The following PTPRQ variants were observed in gnomAD, a reference collection of about 807,000 sequenced individuals.
The protein encoded by PTPRQ is protein tyrosine phosphatase receptor type Q.
In PTPRQ, 199 loss-of-function variants were observed where a neutral mutation model predicts 246.0. The ratio of observed to expected loss-of-function variants is 0.81; its 90% CI spans 0.72 to 0.91. The LOEUF (loss-of-function observed/expected upper bound fraction) is 0.91, where lower values mean the gene tolerates loss of function less well. Among genes scored for constraint, PTPRQ ranks in the 40% least tolerant of loss-of-function variants. The pLI, the probability that PTPRQ is intolerant of heterozygous loss-of-function variation, is 0.00. For synonymous variants in PTPRQ, 869 were observed against 853.2 expected, an observed-to-expected ratio of 1.02 and a Z score of -0.32; for missense variants, 2,624 against 2,528.4, an observed-to-expected ratio of 1.04 and a Z score of -0.81.
chr12:80,496,552 T>C, intron 14 of PTPRQ, 21 bp downstream of exon 14: 1 of 1,532,482 alleles, frequency 6.5e-7, no homozygotes, highest in South Asian at 1.3e-5. Flanking sequence ...GTTTTCTTTG[T>C]TTGTTTAATA....
chr12:80,547,866 T>G (rs547316125), intron 24 of PTPRQ, among the ~76,000 whole-genome samples: 1 of 152,112 alleles, frequency 6.6e-6, no homozygotes. Context: ...TGAATATTAC[T>G]GTTGCCCCCA....
chr12:80,644,854 G>A (rs532555284), intron 35 of PTPRQ, among the ~76,000 whole-genome samples: 4 of 152,084 alleles, frequency 2.6e-5, no homozygotes, highest in East Asian at 1.9e-4. Context: ...AAGAACGAAA[G>A]CAATGATAAG....
At chr12:80,527,050 C>T (rs765809176) in intron 17 of PTPRQ, among the ~76,000 whole-genome samples, 13 of 152,088 alleles carry the variant, frequency 8.5e-5, no homozygotes, top group Non-Finnish European at 1.5e-4. Flanking sequence ...AAGCACTTTG[C>T]ATCACCTTAG....
intron 33 of PTPRQ, among the ~76,000 whole-genome samples, chr12:80,629,443 A>G (rs531400893): frequency 6.6e-6 from 1 of 152,290 alleles, no homozygotes; most frequent in South Asian, 2.1e-4. Flanking sequence ...AAAGATATAC[A>G]AGGCATACAC....
intron 33 of PTPRQ, among the ~76,000 whole-genome samples, chr12:80,624,743 A>T (rs1899131651): frequency 6.6e-6 from 1 of 152,184 alleles, no homozygotes; most frequent in Non-Finnish European, 1.5e-5. Context: ...AACAAACAAC[A>T]TCCCCTAGAA....
intron 39 of PTPRQ, among the ~76,000 whole-genome samples, chr12:80,659,676 A>C (rs563884286): frequency 6.6e-6 from 1 of 152,244 alleles, no homozygotes; most frequent in African/African-American, 2.4e-5. Flanking sequence ...GGTTGTCAGC[A>C]TACAACTATG....
At chr12:80,469,958 T>C (rs1468514500) in intron 7 of PTPRQ, among the ~76,000 whole-genome samples, 2 of 152,144 alleles carry the variant, frequency 1.3e-5, no homozygotes, top group Non-Finnish European at 2.9e-5. Context: ...CATGATTGAA[T>C]TAGTTTAAGA....
At chr12:80,447,849 G>A (rs987304717) in intron 3 of PTPRQ, among the ~76,000 whole-genome samples, 1 of 152,010 alleles carries the variant, frequency 6.6e-6, no homozygotes, top group Non-Finnish European at 1.5e-5. Context: ...CTCCAGATTT[G>A]TTCTTTTTGC....
chr12:80,542,986 A>AT (rs936734947), intron 23 of PTPRQ, 105 bp downstream of exon 23: 9 of 816,102 alleles, frequency 1.1e-5, no homozygotes, highest in African/African-American at 9.1e-5. Flanking sequence ...AACAATGACT[A>AT]TTTTTTTAAA....
chr12:80,670,597 G>A, intron 42 of PTPRQ, 105 bp downstream of exon 42: 1 of 1,378,652 alleles, frequency 7.3e-7, no homozygotes, highest in Non-Finnish European at 9.4e-7. Flanking sequence ...CTTCCAGCTT[G>A]CCGTCTTCAG....
Position 80,578,515 on chromosome 12 carries a change from T to C in PTPRQ, c.4286-9614T>C, listed in dbSNP as rs1183393527. On this transcript the variant is annotated intron_variant, in intron 25 of 44. Transcript: ENST00000644991. ...ATGCCATTCTCCTGCCTCAGCCTCCTGAGTAGCTGGGGCTGCAGGCGCCTG... is the reference window on the plus strand; with the variant it reads ...ATGCCATTCTCCTGCCTCAGCCTCCCGAGTAGCTGGGGCTGCAGGCGCCTG... Among the ~76,000 whole-genome samples, 8 of 151,884 alleles carry C rather than the reference T, an allele frequency of 5.3e-5. No individual in the cohort carries two copies. The East Asian group carries it at 1.6e-3, about 30-fold the overall frequency.
At chr12:80,546,013 A>G (rs1370440165) in intron 23 of PTPRQ, among the ~76,000 whole-genome samples, 3 of 152,044 alleles carry the variant, frequency 2.0e-5, no homozygotes, top group African/African-American at 4.8e-5. Flanking sequence ...AAAACACTCT[A>G]GTTTTTTAAA....
intron 19 of PTPRQ, among the ~76,000 whole-genome samples, chr12:80,537,573 G>T (rs1003850036): frequency 2.0e-5 from 3 of 152,144 alleles, no homozygotes; most frequent in African/African-American, 7.2e-5. Flanking sequence ...AAATATTATA[G>T]TAGACCAACA....
Position 80,523,604 on chromosome 12 carries a change from G to C in PTPRQ, c.2679-10411G>C, listed in dbSNP as rs1895582688. Among the ~76,000 whole-genome samples the C allele has an allele frequency of 2.0e-5, 3 of 152,150 alleles. No individual in the cohort carries two copies. In the South Asian group the frequency reaches 6.2e-4, roughly 32 times the overall value. On this transcript the variant is annotated intron_variant, in intron 17 of 44. Transcript: ENST00000644991. The stretch of plus-strand genomic sequence containing the variant: ...GGTTTCAAAGAACATCTTTATTTCT[G>C]CCTTCATTTCATTATGTACCCAGTA...
rs1415586631 is a variant in PTPRQ at position 80,657,972 on chromosome 12, T to C, written c.6116-13T>C. 4 of 1,395,760 alleles carry C rather than the reference T, an allele frequency of 2.9e-6. No individual in the cohort carries two copies. The highest frequency in any genetic ancestry group is 1.5e-5 in the African/African-American group (1 of 66,086). The allele number at this position is 1,395,760 out of a possible 1,614,324, so 86.5% of individuals were successfully genotyped here. A position where few individuals can be genotyped will look rare whatever the true frequency, so the allele number is the denominator to read the frequency against. On this transcript the variant is annotated splice_polypyrimidine_tract_variant and intron_variant, in intron 38 of 44. Transcript: ENST00000644991. ...AAAGCCAATTAACATTGATTCCTTA[T>C]ATTTTCTTCTAGATAATAATAACAG...
In PTPRQ at chr12:80,541,053, G is replaced by C. The variant is rs11114500; in HGVS notation, c.3155-502G>C. On this transcript the variant is annotated intron_variant, in intron 20 of 44. Coordinates refer to ENST00000644991, the MANE Select transcript of PTPRQ (RefSeq NM_001145026.2). ...GTGAGTTGGTAGTCTGGTGACTGGAGAGATTTTGAGACTAGATCTTGGGAA... is the reference window on the plus strand; with the variant it reads ...GTGAGTTGGTAGTCTGGTGACTGGACAGATTTTGAGACTAGATCTTGGGAA... Among the ~76,000 whole-genome samples the C allele has an allele frequency of 8.6e-3, 1,308 of 152,132 alleles. 17 individuals are homozygous for C. Among genetic ancestry groups the C allele is most frequent in the African/African-American group, 0.03 (1,248 of 41,512 alleles).
intron 8 of PTPRQ, among the ~76,000 whole-genome samples, chr12:80,478,288 C>A (rs530384416): frequency 1.3e-5 from 2 of 151,596 alleles, no homozygotes; most frequent in Non-Finnish European, 2.9e-5. Context: ...CTCACATGGC[C>A]AGGTACTCCA....
intron 25 of PTPRQ, among the ~76,000 whole-genome samples, chr12:80,556,337 T>C (rs1380367525): frequency 2.6e-5 from 4 of 152,192 alleles, no homozygotes; most frequent in African/African-American, 9.7e-5. Flanking sequence ...CCTTGAAGAT[T>C]TAATTAAATA....
chr12:80,462,397 G>A, intron 6 of PTPRQ: 1 of 189,194 alleles, frequency 5.3e-6, no homozygotes. Context: ...ACAGCTCAAG[G>A]AGGCCTGCCT....
Sources: allele counts gnomAD v4.1 joint callset (sites outside exome capture counted in the v4.1 genomes callset), GRCh38; gene constraint gnomAD v4.1.1; transcripts MANE v1.5; gene names NCBI Gene and HGNC (gene_info 2026-07-23, HGNC 2026-07-21).